Variants in ZNF235 observed in about 807,000 individuals in gnomAD.
The protein encoded by ZNF235 is zinc finger protein 235, also known as zfp-93.
A neutral mutation model predicts 29.4 loss-of-function variants in ZNF235; 25 were observed. That is an observed-to-expected ratio of 0.85 (90% CI 0.62 to 1.19). The LOEUF is 1.19. Among genes scored for constraint, ZNF235 ranks in the 50% most tolerant of loss-of-function variants. ZNF235 has a pLI of 0.00. For missense variants in ZNF235, 788 were observed against 885.0 expected (o/e 0.89, Z 1.39); for synonymous variants, 300 against 295.3 (o/e 1.02, Z -0.16).
At chr19:44,299,164 A>G (rs1975697424) in intron 3 of ZNF235, among the ~76,000 whole-genome samples, 1 of 152,244 alleles carries the variant, frequency 6.6e-6, no homozygotes, top group Non-Finnish European at 1.5e-5. Flanking sequence ...GGCAAGCAGC[A>G]GCAGTTATTG....
At position 44,287,075 on chromosome 19, in the gene ZNF235, C is replaced by G; in HGVS notation, c.*143G>C. ...ATTCATGTCCTAACCAAGTCTAAAA[C>G]ACAGCATTTGAGAGACTTCTTTCCT... On this transcript the variant is annotated 3_prime_UTR_variant, in exon 5 of 5. Transcript: ENST00000291182. 1 of 828,310 alleles carries G rather than the reference C, an allele frequency of 1.2e-6. No homozygotes were observed. Among genetic ancestry groups the G allele is most frequent in the Non-Finnish European group, 1.8e-6 (1 of 554,814 alleles). 51.3% of individuals were successfully genotyped at this position (828,310 alleles called of 1,614,324 possible).
chr19:44,289,113 T>A lies in ZNF235; in HGVS notation c.322A>T (p.Ile108Phe), dbSNP rs1220456076. The change falls in exon 5 of 5, where the codon ATC becomes TTC. Residue 108 changes from isoleucine to phenylalanine, a missense_variant. By Grantham distance (21) the Ile-to-Phe change is conservative. Coordinates refer to ENST00000291182, the MANE Select transcript of ZNF235 (RefSeq NM_004234.4). ...AATTTGCTCGCAATGTGTCTCTTGA[T>A]TTGCCAGCATGAAAGCTCTCCCAGT... ...FSLGELSCWQIKRHIASKLAR... is the reference protein window; with the variant it reads ...FSLGELSCWQFKRHIASKLAR... 1.2e-6 allele frequency: 2 copies of A among 1,614,144 alleles called. No individual in the cohort carries two copies. Among genetic ancestry groups the A allele is most frequent in the Non-Finnish European group, 1.7e-6 (2 of 1,180,006 alleles).
chr19:44,290,688 C>A, intron 4 of ZNF235: 1 of 163,914 alleles, frequency 6.1e-6, no homozygotes, highest in Non-Finnish European at 1.4e-5. Context: ...AAGGACAAAG[C>A]CCACAAATGC....
chr19:44,300,682 A>C (rs1399329341), intron 2 of ZNF235, among the ~76,000 whole-genome samples: 1 of 152,042 alleles, frequency 6.6e-6, no homozygotes, highest in African/African-American at 2.4e-5. Context: ...TCTACTAAAA[A>C]TACAAAAATT....
chr19:44,287,577 C>T lies in ZNF235; in HGVS notation c.1858G>A (p.Val620Ile). The T allele has an allele frequency of 1.2e-6, 2 of 1,614,174 alleles. No individual in the cohort carries two copies. The highest frequency in any genetic ancestry group is 2.2e-5 in the South Asian group (2 of 91,082). Residue 620 changes from valine to isoleucine, a missense_variant, in exon 5 of 5, where the codon GTC (valine) becomes ATC (isoleucine). By Grantham distance (29) the Val-to-Ile change is conservative (BLOSUM62 3). Transcript: ENST00000291182. ...QASHLQAHQR[V>I]HTGEKPYKCD... ...TTATATGGTTTCTCTCCGGTGTGGA[C>T]TCTCTGATGGGCTTGAAGGTGTGAG...
intron 2 of ZNF235, among the ~76,000 whole-genome samples, chr19:44,300,357 ACT>A (rs943988257): frequency 1.6e-4 from 24 of 152,144 alleles, no homozygotes; most frequent in African/African-American, 5.5e-4. Context: ...TTGATCATTA[ACT>A]CTTATTATCA....
chr19:44,300,723 C>T (rs1182128121), intron 2 of ZNF235, among the ~76,000 whole-genome samples: 2 of 151,704 alleles, frequency 1.3e-5, no homozygotes, highest in Non-Finnish European at 2.9e-5. Context: ...ATCTGTAATC[C>T]CAGCTACTCG....
Position 44,287,637 on chromosome 19 carries a change from T to G in ZNF235, c.1798A>C (p.Lys600Gln). 1 of 1,613,902 alleles carries G rather than the reference T, an allele frequency of 6.2e-7. No individual in the cohort carries two copies. Among genetic ancestry groups the G allele is most frequent in the South Asian group, 1.1e-5 (1 of 91,080 alleles). ...AATCGCTTCTGACATGCATCACACT[T>G]GAATGGTTTTTCCCCAGTGTGGACG... ...QSVHTGEKPF[K>Q]CDACQKRFSQ... is the part of the protein sequence containing the mutation. The change falls in exon 5 of 5, where the codon AAG (lysine) becomes CAG (glutamine). Residue 600 changes from lysine (K) to glutamine (Q), a missense_variant. Lys to Gln is a moderately conservative substitution (Grantham distance 53). Transcript: ENST00000291182.
chr19:44,303,016 T>TG (rs1975773030), intron 2 of ZNF235, among the ~76,000 whole-genome samples: 1 of 131,102 alleles, frequency 7.6e-6, no homozygotes, highest in Non-Finnish European at 1.6e-5. Flanking sequence ...ACGTATATAT[T>TG]TATATAAAAT....
rs150398971 is a variant in ZNF235 at position 44,302,512 on chromosome 19, A to G, written c.15+878T>C. ...GAGAGTTGTTTTCCATTTAAAAAAT[A>G]TATCTGTTAGGCCACGGCAGGAGGA... On this transcript the variant is annotated intron_variant, in intron 2 of 4. Transcript: ENST00000291182. Among the ~76,000 whole-genome samples, 585 of 152,076 alleles carry G rather than the reference A, an allele frequency of 3.8e-3. 3 individuals are homozygous for G. The highest frequency in any genetic ancestry group is 0.013 in the African/African-American group (553 of 41,522).
chr19:44,287,847 AG>A lies in ZNF235; in HGVS notation c.1587del (p.Gln531LysfsTer26). 1 of 1,609,814 alleles carries A rather than the reference AG, an allele frequency of 6.2e-7. No homozygotes were observed. The highest frequency in any genetic ancestry group is 8.5e-7 in the Non-Finnish European group (1 of 1,178,648). ...GTGTGGACTCTCTGATGTGCTTGAA[AG>A]TATGAACTCTGACTGAAGCCTTTCC... ...VCGKGFSQSS[Y>X]FQAHQRVHTG... is the part of the protein sequence containing the mutation. On this transcript the variant is annotated frameshift_variant, in exon 5 of 5. Coordinates refer to ENST00000291182, the MANE Select transcript of ZNF235 (RefSeq NM_004234.4). LOFTEE classifies it high-confidence loss of function.
chr19:44,303,587 G>A, intron 1 of ZNF235, 135 bp from the exon 2 acceptor site: 1 of 650,498 alleles, frequency 1.5e-6, no homozygotes, highest in Non-Finnish European at 2.4e-6. Flanking sequence ...GAGGAGAACG[G>A]GAGCTAGCTC....
chr19:44,298,685 C>T (rs4449053), intron 4 of ZNF235, 123 bp downstream of exon 4: 17 of 704,790 alleles, frequency 2.4e-5, no homozygotes, highest in African/African-American at 1.8e-4. Flanking sequence ...CTTGAGCCAT[C>T]GCGCCCAACC....
In ZNF235 at chr19:44,304,979, G is replaced by T. The variant is rs1000048032; in HGVS notation, c.-57C>A. 1 of 980,534 alleles carries T rather than the reference G, an allele frequency of 1.0e-6. No homozygotes were observed. 60.7% of individuals were successfully genotyped at this position (980,534 alleles called of 1,614,324 possible). On this transcript the variant is annotated 5_prime_UTR_variant, in exon 1 of 5. Transcript: ENST00000291182. ...ACCCGGAGCTGACTCACCTCCCTGG[G>T]AGATATCTCAGATCCGACCTCGCCT...
chr19:44,303,533 A>C, intron 1 of ZNF235, 81 bp from the exon 2 acceptor site: 1 of 1,300,112 alleles, frequency 7.7e-7, no homozygotes, highest in Non-Finnish European at 1.1e-6. Context: ...CTTCAGAGAA[A>C]GGTCCCCCTG....
chr19:44,289,176 T>C lies in ZNF235; in HGVS notation c.259A>G (p.Met87Val), dbSNP rs149599172. The change falls in exon 5 of 5, where the codon ATG (methionine) becomes GTG (valine). Residue 87 changes from methionine (M) to valine (V), a missense_variant. Physicochemically the swap from Met to Val is conservative, Grantham distance 21. Coordinates refer to ENST00000291182, the MANE Select transcript of ZNF235 (RefSeq NM_004234.4). ...AATCCTGCTTTGTGAAGAGTTGCCA[T>C]CTCATTTTGATTCCTGTCTCCTGAA... ...KHSGDRNQNE[M>V]ATLHKAGLRC... 9.6e-5 allele frequency: 154 copies of C among 1,612,552 alleles called. No individual in the cohort carries two copies. The highest frequency in any genetic ancestry group is 1.6e-4 in the Middle Eastern group (1 of 6,072).
At chr19:44,301,343 T>C (rs1172493434) in intron 2 of ZNF235, among the ~76,000 whole-genome samples, 1 of 152,164 alleles carries the variant, frequency 6.6e-6, no homozygotes, top group Admixed American at 6.5e-5. Flanking sequence ...ATGACACATG[T>C]GGCAAAGAGC....
At chr19:44,302,327 T>C (rs1022163783) in intron 2 of ZNF235, among the ~76,000 whole-genome samples, 1 of 151,654 alleles carries the variant, frequency 6.6e-6, no homozygotes, top group Non-Finnish European at 1.5e-5. Flanking sequence ...TGAGGAAAAA[T>C]AAAAACAAGT....
In ZNF235 at chr19:44,287,336, G is replaced by A. The variant is rs201696157; in HGVS notation, c.2099C>T (p.Thr700Ile). The change falls in exon 5 of 5, where the codon ACA becomes ATA. Residue 700 changes from threonine (T) to isoleucine (I), a missense_variant. Transcript: ENST00000291182. ...KGFSQASHFH[T>I]HQRVHTGERP... ...CTCTCCAGTGTGGACTCTCTGGTGT[G>A]TGTGAAAATGTGAGGCCTGACTGAA... The A allele has an allele frequency of 9.8e-5, 158 of 1,613,940 alleles. No homozygotes were observed. Among genetic ancestry groups the A allele is most frequent in the Non-Finnish European group, 1.2e-4 (145 of 1,179,958 alleles).
Sources: allele counts gnomAD v4.1 joint callset (sites outside exome capture counted in the v4.1 genomes callset), GRCh38; gene constraint gnomAD v4.1.1; transcripts MANE v1.5; gene names NCBI Gene and HGNC (gene_info 2026-07-23, HGNC 2026-07-21).